Variants in DST observed in about 807,000 individuals in gnomAD.
The protein encoded by DST is dystonin, also known as bullous pemphigoid antigen.
Under a neutral mutation model 875.2 loss-of-function variants are expected in DST, and 253 were observed. That is an observed-to-expected ratio of 0.29 (90% CI 0.26 to 0.32). The LOEUF (loss-of-function observed/expected upper bound fraction) is 0.32, where lower values mean the gene tolerates loss of function less well. Ranked by LOEUF, DST falls within the 10% of genes least tolerant of loss-of-function variation. DST has a pLI of 1.00. For missense variants in DST, 8,287 were observed against 9,111.6 expected (o/e 0.91, Z 3.68); for synonymous variants, 3,124 against 3,197.1 (o/e 0.98, Z 0.77).
At chr6:56,794,595 T>C (rs1169972483) in intron 4 of DST, among the ~76,000 whole-genome samples, 1 of 152,098 alleles carries the variant, frequency 6.6e-6, no homozygotes, top group Non-Finnish European at 1.5e-5. Flanking sequence ...CAGGTAGCCA[T>C]GAAAGCTGGG....
chr6:56,844,548 A>G (rs909755710), intron 4 of DST, among the ~76,000 whole-genome samples: 3 of 152,168 alleles, frequency 2.0e-5, no homozygotes, highest in Non-Finnish European at 4.4e-5. Context: ...GGAGGAACCA[A>G]CTGATACCCA....
Position 56,695,105 on chromosome 6 carries a change from C to T in DST, c.1047+4548G>A, listed in dbSNP as rs934627531. ...TTGCACCGCTGCACTCCAGTCTGGG[C>T]GACAGAGCGAGACTCCCTCTCAAAA... On this transcript the variant is annotated intron_variant, in intron 9 of 103. Transcript: ENST00000680361. Among the ~76,000 whole-genome samples the T allele has an allele frequency of 7.4e-5, 10 of 134,296 alleles. No individual in the cohort carries two copies. In the East Asian group the frequency reaches 1.3e-3, roughly 17 times the overall value. 88.1% of individuals were successfully genotyped at this position (134,296 alleles called of 152,430 possible). A position where few individuals can be genotyped will look rare whatever the true frequency, so the allele number is the denominator to read the frequency against.
At chr6:56,723,833 T>C (rs2099431651) in intron 5 of DST, among the ~76,000 whole-genome samples, 1 of 152,212 alleles carries the variant, frequency 6.6e-6, no homozygotes, top group African/African-American at 2.4e-5. Context: ...AGTATGCTAA[T>C]GTGTACCATA....
chr6:56,917,006 AAAAAAAAAAAAG>A lies in DST; in HGVS notation c.217-16397_217-16386del, dbSNP rs1319479477. ...GCATGCTAAAAAAAAAAAAAAAAAA[AAAAAAAAAAAAG>A]ACAGGCAGAGGCTCCTAACACACAC... On this transcript the variant is annotated intron_variant, in intron 2 of 103. Coordinates refer to ENST00000680361, the MANE Select transcript of DST (RefSeq NM_001374736.1). Among the ~76,000 whole-genome samples the A allele has an allele frequency of 4.3e-3, 441 of 102,034 alleles. 7 individuals carry two copies. Among genetic ancestry groups the A allele is most frequent in the Middle Eastern group, 5.8e-3 (1 of 172 alleles). 66.9% of individuals were successfully genotyped at this position (102,034 alleles called of 152,430 possible). A position where few individuals can be genotyped will look rare whatever the true frequency, so the allele number is the denominator to read the frequency against.
intron 8 of DST, among the ~76,000 whole-genome samples, chr6:56,701,244 T>C (rs1236434226): frequency 6.6e-6 from 1 of 152,126 alleles, no homozygotes; most frequent in Non-Finnish European, 1.5e-5. Context: ...TTTGTACTAA[T>C]TGAAAAATTA....
intron 85 of DST, 115 bp downstream of exon 85, chr6:56,492,112 G>T: frequency 1.1e-6 from 1 of 939,772 alleles, no homozygotes; most frequent in South Asian, 1.7e-5. Context: ...ATGGCACCAT[G>T]CCATGATTGT....
chr6:56,700,493 T>C (rs1190406381), intron 8 of DST, among the ~76,000 whole-genome samples: 1 of 152,210 alleles, frequency 6.6e-6, no homozygotes, highest in East Asian at 1.9e-4. Context: ...TTCTCAAATT[T>C]CCATTACAAG....
At chr6:56,801,314 G>A (rs573577550) in intron 4 of DST, among the ~76,000 whole-genome samples, 8 of 151,948 alleles carry the variant, frequency 5.3e-5, no homozygotes, top group East Asian at 1.9e-4. Context: ...GTTTAAGCAC[G>A]GTCATTTGTA....
intron 4 of DST, among the ~76,000 whole-genome samples, chr6:56,753,947 C>G (rs903290972): frequency 1.3e-5 from 2 of 152,160 alleles, no homozygotes; most frequent in Non-Finnish European, 1.5e-5. Flanking sequence ...ACAGCATAGC[C>G]AGTGAAATGT....
At position 56,463,060 on chromosome 6, in the gene DST, C is replaced by A. The variant is rs774799170; in HGVS notation, c.23056G>T (p.Val7686Leu). ...CKAAECSDFP[V>L]PSAEGTPIQG... is the part of the protein sequence containing the mutation. The stretch of plus-strand genomic sequence containing the variant: ...CCTTACAATACCTCTGCAGATGGCA[C>A]GGGAAAGTCTGAGCACTCTGCTGCT... The change falls in exon 102 of 104, where the codon GTG becomes TTG. Residue 7686 changes from valine (V) to leucine (L), a missense_variant. Val to Leu is a conservative substitution (Grantham distance 32, BLOSUM62 1). Around this residue, in one of 10 missense-constraint regions of DST, gnomAD observed 240 missense variants for 237.3 expected, o/e 1.01. Transcript: ENST00000680361. 1.2e-6 allele frequency: 2 copies of A among 1,609,706 alleles called. No individual in the cohort carries two copies. Among genetic ancestry groups the A allele is most frequent in the African/African-American group, 1.3e-5 (1 of 74,850 alleles).
intron 53 of DST, among the ~76,000 whole-genome samples, chr6:56,571,796 T>C (rs2097785480): frequency 6.6e-6 from 1 of 152,244 alleles, no homozygotes; most frequent in African/African-American, 2.4e-5. Context: ...ATATTTGCCC[T>C]AGGCTTCAGA....
At chr6:56,641,886 C>A in intron 17 of DST, 61 bp downstream of exon 17, 1 of 1,349,342 alleles carries the variant, frequency 7.4e-7, no homozygotes, top group Non-Finnish European at 1.0e-6. Context: ...ATTCCTATTT[C>A]AAATGCCCAT....
At chr6:56,466,264 T>C in intron 98 of DST, 69 bp from the exon 99 acceptor site, 1 of 1,100,270 alleles carries the variant, frequency 9.1e-7, no homozygotes, top group Non-Finnish European at 1.3e-6. Context: ...TGATGTGCAA[T>C]TTGCAGTAGC....
At chr6:56,911,179 G>A (rs1798691850) in intron 2 of DST, among the ~76,000 whole-genome samples, 1 of 152,194 alleles carries the variant, frequency 6.6e-6, no homozygotes, top group African/African-American at 2.4e-5. Context: ...GCTTAGCATA[G>A]AGGCTGCAAG....
intron 9 of DST, among the ~76,000 whole-genome samples, chr6:56,695,885 T>C (rs1276721083): frequency 6.6e-6 from 1 of 152,224 alleles, no homozygotes; most frequent in African/African-American, 2.4e-5. Context: ...AAAGGCTGAG[T>C]CACTCTGAGT....
In DST at chr6:56,838,575, G is replaced by T. The variant is rs193181581; in HGVS notation, c.625+12822C>A. Among the ~76,000 whole-genome samples the T allele has an allele frequency of 1.1e-3, 161 of 151,916 alleles. 2 individuals are homozygous for T. Among genetic ancestry groups the T allele is most frequent in the South Asian group, 5.4e-3 (26 of 4,806 alleles). On this transcript the variant is annotated intron_variant, in intron 4 of 103. Coordinates refer to ENST00000680361, the MANE Select transcript of DST (RefSeq NM_001374736.1). ...CAAACAACAACAAAAAAAAAACCTA[G>T]AAGTTTTAAAAAGCATAAGCCTTCT...
rs532326321 is a variant in DST at position 56,850,667 on chromosome 6, A to G, written c.625+730T>C. Among the ~76,000 whole-genome samples, 9 of 152,328 alleles carry G rather than the reference A, an allele frequency of 5.9e-5. No homozygotes were observed. The East Asian group carries it at 1.7e-3, about 29-fold the overall frequency. ...CACCTCTCATGCACAGGACACATACACACAAACCACGCAGGGGTTGGAAGG... is the reference window on the plus strand; with the variant it reads ...CACCTCTCATGCACAGGACACATACGCACAAACCACGCAGGGGTTGGAAGG... On this transcript the variant is annotated intron_variant, in intron 4 of 103. Transcript: ENST00000680361.
At chr6:56,843,627 G>C in intron 4 of DST, 1 of 984,064 alleles carries the variant, frequency 1.0e-6, no homozygotes, top group Non-Finnish European at 1.2e-6. Context: ...CTTCACCGGG[G>C]ATGCTGCGCG....
intron 4 of DST, among the ~76,000 whole-genome samples, chr6:56,841,880 T>TA (rs2099800493): frequency 6.6e-6 from 1 of 152,136 alleles, no homozygotes; most frequent in African/African-American, 2.4e-5. Flanking sequence ...AAATGTGCTT[T>TA]AGCCTAAAAT....
Sources: allele counts gnomAD v4.1 joint callset (sites outside exome capture counted in the v4.1 genomes callset), GRCh38; gene constraint gnomAD v4.1.1; regional missense constraint gnomAD v4.1.1; transcripts MANE v1.5; gene names NCBI Gene and HGNC (gene_info 2026-07-23, HGNC 2026-07-21).